The following DENND2B variants were observed in gnomAD, a reference collection of about 807,000 sequenced individuals.
DENND2B encodes the protein DENN domain-containing protein 2B.
A neutral mutation model predicts 116.0 loss-of-function variants in DENND2B; 32 were observed. That is an observed-to-expected ratio of 0.28 (90% CI 0.21 to 0.37). The LOEUF is 0.37. DENND2B is among the 10% of genes least tolerant of loss of function. The probability of loss-of-function intolerance (pLI) is 1.00; values close to 1 mark genes in which losing one functional copy is unlikely to be tolerated. For synonymous variants in DENND2B, 588 were observed against 583.9 expected (o/e 1.01, Z -0.10); for missense variants, 1,276 against 1,477.7 (o/e 0.86, Z 2.24).
At chr11:8,823,600 A>G (rs1389169742) in intron 4 of DENND2B, among the ~76,000 whole-genome samples, 2 of 152,164 alleles carry the variant, frequency 1.3e-5, no homozygotes, top group Non-Finnish European at 2.9e-5. Context: ...GAGATCTGAT[A>G]GTTTTATAAG....
At chr11:8,775,387 A>G (rs2057487243) in intron 1 of DENND2B, among the ~76,000 whole-genome samples, 1 of 152,190 alleles carries the variant, frequency 6.6e-6, no homozygotes, top group Non-Finnish European at 1.5e-5. Flanking sequence ...AGTCAGTGCT[A>G]GAACAGTCAG....
At chr11:8,728,753 C>T (rs1019386067) in intron 3 of DENND2B, among the ~76,000 whole-genome samples, 10 of 152,190 alleles carry the variant, frequency 6.6e-5, no homozygotes, top group African/African-American at 2.4e-4. Flanking sequence ...AGTCATGGCA[C>T]GTATGACATT....
At chr11:8,773,240 T>G (rs1469580872) in intron 1 of DENND2B, among the ~76,000 whole-genome samples, 2 of 151,956 alleles carry the variant, frequency 1.3e-5, no homozygotes, top group African/African-American at 4.8e-5. Context: ...AGGGATATTC[T>G]CCTGCCTACA....
chr11:8,869,278 C>T (rs1226090494), intron 2 of DENND2B, among the ~76,000 whole-genome samples: 2 of 152,124 alleles, frequency 1.3e-5, no homozygotes, highest in Non-Finnish European at 2.9e-5. Context: ...AAATGGGTGC[C>T]CTTCTGGCCC....
At chr11:8,866,818 C>G (rs2063596739) in intron 2 of DENND2B, among the ~76,000 whole-genome samples, 1 of 152,144 alleles carries the variant, frequency 6.6e-6, no homozygotes, top group African/African-American at 2.4e-5. Context: ...CTCAGAGGTC[C>G]AAAACCCAAA....
At chr11:8,700,400 A>AC (rs767211317) in intron 14 of DENND2B, among the ~76,000 whole-genome samples, 4 of 151,946 alleles carry the variant, frequency 2.6e-5, no homozygotes, top group Non-Finnish European at 4.4e-5. Flanking sequence ...TCCTTTCTAA[A>AC]CCCTGGTGCT....
At chr11:8,884,842 C>T (rs1002528870) in intron 1 of DENND2B, among the ~76,000 whole-genome samples, 3 of 152,164 alleles carry the variant, frequency 2.0e-5, no homozygotes, top group Non-Finnish European at 4.4e-5. Context: ...TTCATCTCAG[C>T]CCATAAGTCT....
chr11:8,724,222 G>A lies in DENND2B; in HGVS notation c.1477+1851C>T, dbSNP rs577288970. On this transcript the variant is annotated intron_variant, in intron 4 of 19. Transcript: ENST00000313726. The stretch of plus-strand genomic sequence containing the variant: ...GAGGCAGAAGAATGGCATGAACCCG[G>A]GATGCGGAGCTTGCAGTGAGCCGAG... Among the ~76,000 whole-genome samples, 82 of 152,156 alleles carry A rather than the reference G, an allele frequency of 5.4e-4. 1 individual carries two copies. The highest frequency in any genetic ancestry group is 2.5e-3 in the South Asian group (12 of 4,814).
chr11:8,859,374 C>A (rs1309619131), intron 2 of DENND2B, among the ~76,000 whole-genome samples: 2 of 152,080 alleles, frequency 1.3e-5, no homozygotes, highest in African/African-American at 4.8e-5. Flanking sequence ...GTGGCGCGAT[C>A]TCGGCTCACT....
chr11:8,695,792 G>A, intron 18 of DENND2B: 2 of 543,268 alleles, frequency 3.7e-6, no homozygotes, highest in Non-Finnish European at 3.3e-6. Context: ...AGCTGCACTA[G>A]GTGAGGAGGC....
intron 3 of DENND2B, among the ~76,000 whole-genome samples, chr11:8,856,803 G>C (rs937259601): frequency 2.0e-5 from 3 of 150,506 alleles, no homozygotes; most frequent in Non-Finnish European, 4.4e-5. Flanking sequence ...ACCCAGGCTA[G>C]AGTGCAGTGG....
intron 17 of DENND2B, 67 bp downstream of exon 17, chr11:8,697,458 A>G: frequency 1.5e-6 from 2 of 1,295,796 alleles, no homozygotes; most frequent in Non-Finnish European, 2.2e-6. Flanking sequence ...TTCTGGCCCT[A>G]TGGGGCCCTG....
intron 3 of DENND2B, among the ~76,000 whole-genome samples, chr11:8,852,791 C>G (rs970488441): frequency 6.6e-6 from 1 of 152,200 alleles, no homozygotes; most frequent in Non-Finnish European, 1.5e-5. Flanking sequence ...ACTGAACACC[C>G]TGAGGCAGCA....
At chr11:8,803,851 C>T (rs1316937408) in intron 1 of DENND2B, among the ~76,000 whole-genome samples, 1 of 152,170 alleles carries the variant, frequency 6.6e-6, no homozygotes, top group Admixed American at 6.5e-5. Context: ...CTCTAAGCTG[C>T]ATCTGGAAGG....
intron 1 of DENND2B, among the ~76,000 whole-genome samples, chr11:8,882,394 C>T (rs991574549): frequency 1.6e-4 from 25 of 152,308 alleles, no homozygotes; most frequent in Non-Finnish European, 2.6e-4. Context: ...ACTTCATAGC[C>T]CATAACCATT....
chr11:8,699,741 G>C (rs1231273729), intron 14 of DENND2B: 2 of 432,396 alleles, frequency 4.6e-6, no homozygotes, highest in African/African-American at 2.0e-5. Flanking sequence ...CCTAGGGCCA[G>C]TGAATGCAGA....
At chr11:8,723,615 G>C (rs776777629) in intron 4 of DENND2B, among the ~76,000 whole-genome samples, 2 of 152,164 alleles carry the variant, frequency 1.3e-5, no homozygotes, top group Non-Finnish European at 2.9e-5. Flanking sequence ...GCTGCCTCTT[G>C]GGTGGCTGAG....
intron 1 of DENND2B, chr11:8,794,782 A>T (rs2059672421): frequency 6.6e-6 from 1 of 152,272 alleles, no homozygotes; most frequent in Non-Finnish European, 1.5e-5. Context: ...TCAGGCAGCA[A>T]CAAGGAGAAA....
upstream of DENND2B, among the ~76,000 whole-genome samples, chr11:8,812,697 C>T (rs2061433301): frequency 1.3e-5 from 2 of 152,210 alleles, no homozygotes; most frequent in African/African-American, 4.8e-5. Context: ...CCCATGACTT[C>T]CCCCTTTCCA....
Sources: allele counts gnomAD v4.1 joint callset (sites outside exome capture counted in the v4.1 genomes callset), GRCh38; gene constraint gnomAD v4.1.1; transcripts MANE v1.5; gene names NCBI Gene and HGNC (gene_info 2026-07-23, HGNC 2026-07-21).